TEX101: variants seen among roughly 807,000 people sequenced by gnomAD.
The protein encoded by TEX101 is testis-expressed protein 101.
In TEX101, 10 loss-of-function variants were observed where a neutral mutation model predicts 18.1. That is an observed-to-expected ratio of 0.55 (90% CI 0.34 to 0.94). The LOEUF (loss-of-function observed/expected upper bound fraction) is 0.94, where lower values mean the gene tolerates loss of function less well. Ranked by LOEUF, TEX101 falls within the 40% of genes least tolerant of loss-of-function variation. The pLI is 0.02. For synonymous variants in TEX101, 94 were observed against 114.8 expected (o/e 0.82, Z 1.16); for missense variants, 259 against 298.9 (o/e 0.87, Z 0.98).
the TEX101 span, among the ~76,000 whole-genome samples, chr19:43,394,705 C>T: frequency 6.6e-6 from 1 of 152,204 alleles, no homozygotes; most frequent in South Asian, 2.1e-4. Context: ...CTCTTGACCT[C>T]GTGATCCGCC....
the TEX101 span, among the ~76,000 whole-genome samples, chr19:43,389,751 A>C: frequency 6.6e-6 from 1 of 152,022 alleles, no homozygotes; most frequent in African/African-American, 2.4e-5. Context: ...AGATGTTCTC[A>C]TGCTTCCACT....
intron 1 of TEX101, chr19:43,402,650 G>A (rs1451290605): frequency 2.6e-5 from 4 of 151,448 alleles, no homozygotes; most frequent in East Asian, 3.9e-4. Flanking sequence ...GCACAATCTC[G>A]GTTCACTGCA....
chr19:43,407,173 A>T (rs1962017), intron 3 of TEX101, among the ~76,000 whole-genome samples: 117,701 of 152,052 alleles, frequency 0.77, 45,866 homozygotes, highest in East Asian at 0.92. Flanking sequence ...CAAGGTTGGG[A>T]TGTTCACCCA....
At chr19:43,414,164 G>A (rs891314733), upstream of TEX101, among the ~76,000 whole-genome samples, 2 of 146,734 alleles carry the variant, frequency 1.4e-5, no homozygotes, top group African/African-American at 4.9e-5. Context: ...GGGAGGGGAG[G>A]GAAGGGAAGG....
chr19:43,412,207 C>T (rs908249806), upstream of TEX101, among the ~76,000 whole-genome samples: 7 of 152,150 alleles, frequency 4.6e-5, no homozygotes, highest in African/African-American at 1.7e-4. Flanking sequence ...GCATCTCCTT[C>T]TGGGGAGGCC....
At chr19:43,402,231 A>C (rs1970324216) in intron 1 of TEX101, among the ~76,000 whole-genome samples, 1 of 152,250 alleles carries the variant, frequency 6.6e-6, no homozygotes, top group Non-Finnish European at 1.5e-5. Flanking sequence ...AAACATGTTC[A>C]TTTGAAGTTT....
chr19:43,403,427 C>T (rs2122320013), intron 2 of TEX101, among the ~76,000 whole-genome samples: 1 of 152,036 alleles, frequency 6.6e-6, no homozygotes, highest in Middle Eastern at 3.4e-3. Context: ...GACACCGGGG[C>T]CTGTCTTGGA....
upstream of TEX101, among the ~76,000 whole-genome samples, chr19:43,410,761 C>A (rs1169006670): frequency 7.3e-5 from 11 of 151,204 alleles, no homozygotes; most frequent in Non-Finnish European, 1.5e-5. Context: ...ACACAGCACA[C>A]AGATACACAC....
intron 1 of TEX101, chr19:43,401,575 G>A (rs1970318464): frequency 6.6e-6 from 1 of 152,322 alleles, no homozygotes; most frequent in Admixed American, 6.5e-5. Flanking sequence ...CGTGGCTGAG[G>A]GCCGGGAGTG....
At chr19:43,413,358 C>T (rs939988418), upstream of TEX101, among the ~76,000 whole-genome samples, 12 of 151,764 alleles carry the variant, frequency 7.9e-5, no homozygotes, top group African/African-American at 2.2e-4. Context: ...AAAAATTAGC[C>T]GGGTGTGGTG....
upstream of TEX101, among the ~76,000 whole-genome samples, chr19:43,411,355 C>T (rs2122336642): frequency 6.6e-6 from 1 of 152,272 alleles, no homozygotes; most frequent in African/African-American, 2.4e-5. Flanking sequence ...GGATTACAGG[C>T]CTGAGCCACC....
the TEX101 span, among the ~76,000 whole-genome samples, chr19:43,393,296 G>T: frequency 6.6e-6 from 1 of 152,156 alleles, no homozygotes; most frequent in African/African-American, 2.4e-5. Flanking sequence ...TCTTCAGGGC[G>T]ACCCAATGCC....
At chr19:43,407,811 G>T (rs934277111) in intron 3 of TEX101, among the ~76,000 whole-genome samples, 4 of 152,220 alleles carry the variant, frequency 2.6e-5, no homozygotes, top group Admixed American at 6.5e-5. Flanking sequence ...CAGGGTTGAG[G>T]CCCCATGCGG....
intron 3 of TEX101, among the ~76,000 whole-genome samples, chr19:43,408,072 T>G (rs1018680371): frequency 6.6e-6 from 1 of 152,138 alleles, no homozygotes; most frequent in Non-Finnish European, 1.5e-5. Context: ...CCCGGGGGTC[T>G]CCCGCGTCCC....
At chr19:43,400,030 G>T (rs571392408), upstream of TEX101, among the ~76,000 whole-genome samples, 29 of 152,128 alleles carry the variant, frequency 1.9e-4, no homozygotes, top group African/African-American at 7.0e-4. Context: ...GGCCAGGCTG[G>T]TCTCGAACTC....
chr19:43,415,771 A>AC, intron 1 of TEX101, 110 bp from the exon 2 acceptor site: 1 of 960,888 alleles, frequency 1.0e-6, no homozygotes, highest in East Asian at 2.4e-5. Flanking sequence ...AAAAAAAAAA[A>AC]AATGCAGATT....
At chr19:43,411,955 C>G (rs762883953), upstream of TEX101, among the ~76,000 whole-genome samples, 8 of 152,138 alleles carry the variant, frequency 5.3e-5, no homozygotes, top group Non-Finnish European at 7.3e-5. Flanking sequence ...CTGCACCCAG[C>G]CTAACCTCTT....
exon 3 of TEX101, chr19:43,406,307 C>T: frequency 3.6e-6 from 2 of 550,392 alleles, no homozygotes; most frequent in South Asian, 4.5e-5. Flanking sequence ...GAGCCAATGC[C>T]CCATGTAATT....
the TEX101 span, among the ~76,000 whole-genome samples, chr19:43,393,718 T>C: frequency 2.0e-5 from 3 of 152,164 alleles, no homozygotes; most frequent in Middle Eastern, 3.4e-3. Context: ...GTTAATTTAA[T>C]TGAGACAACC....
Sources: allele counts gnomAD v4.1 joint callset (sites outside exome capture counted in the v4.1 genomes callset), GRCh38; gene constraint gnomAD v4.1.1; transcripts MANE v1.5; gene names NCBI Gene and HGNC (gene_info 2026-07-23, HGNC 2026-07-21).